The following ACTN4 variants were observed in gnomAD, a reference collection of about 807,000 sequenced individuals.
ACTN4 encodes the protein alpha-actinin-4.
A neutral mutation model predicts 114.2 loss-of-function variants in ACTN4; 18 were observed. The observed-to-expected ratio is 0.16, with a 90% confidence interval of 0.11 to 0.23. ACTN4 has a LOEUF of 0.23. ACTN4 is among the 10% of genes least tolerant of loss of function. The pLI is 1.00. For synonymous variants in ACTN4, 515 were observed against 506.3 expected, an observed-to-expected ratio of 1.02 and a Z score of -0.23; for missense variants, 722 against 1,262.9, an observed-to-expected ratio of 0.57 and a Z score of 6.49.
chr19:38,650,478 C>T (rs1253390234), intron 1 of ACTN4, among the ~76,000 whole-genome samples: 1 of 152,326 alleles, frequency 6.6e-6, no homozygotes, highest in East Asian at 1.9e-4. Flanking sequence ...GGGTGGCTCA[C>T]AGAGTCCGCT....
chr19:38,699,338 C>G (rs1013996772), intron 1 of ACTN4, among the ~76,000 whole-genome samples: 3 of 152,198 alleles, frequency 2.0e-5, no homozygotes, highest in Non-Finnish European at 4.4e-5. Context: ...TGTTTAGTAC[C>G]CTCCATCCCT....
chr19:38,718,082 C>G lies in ACTN4; in HGVS notation c.1291+8C>G. ...ACGAGGCCTGGACTGACGGTACGGC[C>G]CAGCTCTGCCCCACTCTGCCCAGCC... On this transcript the variant is annotated splice_region_variant and intron_variant, in intron 11 of 20. Coordinates refer to ENST00000252699, the MANE Select transcript of ACTN4 (RefSeq NM_004924.6). 6.2e-7 allele frequency: 1 copy of G among 1,602,644 alleles called. No individual in the cohort carries two copies. The highest frequency in any genetic ancestry group is 1.7e-5 in the Admixed American group (1 of 58,596).
chr19:38,668,029 G>A (rs745326970), intron 1 of ACTN4, among the ~76,000 whole-genome samples: 16 of 152,318 alleles, frequency 1.1e-4, no homozygotes, highest in Middle Eastern at 6.8e-3. Flanking sequence ...CTCTGGAGGT[G>A]CCTGTTCCTT....
Position 38,725,598 on chromosome 19 carries a change from G to T in ACTN4, c.2011-126G>T, listed in dbSNP as rs1969205010. On this transcript the variant is annotated intron_variant, in intron 16 of 20. Coordinates refer to ENST00000252699, the MANE Select transcript of ACTN4 (RefSeq NM_004924.6). ...GGGCCTTCCCTCCCAGGGACCCATGGGCCAAGGCCCCAGGCCAAAGGGGCC... is the reference window on the plus strand; with the variant it reads ...GGGCCTTCCCTCCCAGGGACCCATGTGCCAAGGCCCCAGGCCAAAGGGGCC... The T allele has an allele frequency of 2.8e-6, 3 of 1,057,556 alleles. No homozygotes were observed. The African/African-American group carries it at 4.7e-5, about 17-fold the overall frequency. The allele number at this position is 1,057,556 out of a possible 1,614,324, so 65.5% of individuals were successfully genotyped here. A position where few individuals can be genotyped will look rare whatever the true frequency, so the allele number is the denominator to read the frequency against.
At chr19:38,673,737 T>A (rs1256845925) in intron 1 of ACTN4, among the ~76,000 whole-genome samples, 1 of 101,122 alleles carries the variant, frequency 9.9e-6, no homozygotes, top group Admixed American at 1.2e-4. Flanking sequence ...TTATATATAT[T>A]TATATATTTA....
intron 19 of ACTN4, chr19:38,728,442 T>TCCCCC: frequency 1.1e-6 from 1 of 874,708 alleles, no homozygotes; most frequent in Non-Finnish European, 1.5e-6. Flanking sequence ...CTCCTCCTCC[T>TCCCCC]CCTCCTCCCC....
chr19:38,700,573 GCA>G, intron 1 of ACTN4, 25 bp from the exon 2 acceptor site: 1 of 1,586,732 alleles, frequency 6.3e-7, no homozygotes, highest in African/African-American at 1.3e-5. Flanking sequence ...CTGACTCTGC[GCA>G]CTGTCCTTTG....
intron 13 of ACTN4, 102 bp downstream of exon 13, chr19:38,723,824 C>A (rs976287135): frequency 2.3e-5 from 34 of 1,464,674 alleles, no homozygotes; most frequent in Non-Finnish European, 3.2e-5. Flanking sequence ...CCACCTCCCA[C>A]GGAGAGGATG....
intron 5 of ACTN4, among the ~76,000 whole-genome samples, chr19:38,706,693 AC>A (rs1968470538): frequency 6.6e-6 from 1 of 152,214 alleles, no homozygotes; most frequent in South Asian, 2.1e-4. Flanking sequence ...TGCTGGGACT[AC>A]AGATGTGAGC....
chr19:38,688,240 T>C (rs929049723), intron 1 of ACTN4, among the ~76,000 whole-genome samples: 1 of 151,736 alleles, frequency 6.6e-6, no homozygotes, highest in Admixed American at 6.6e-5. Flanking sequence ...AGACCCTGCC[T>C]CTACAGAGAA....
chr19:38,671,823 T>G (rs1346814502), intron 1 of ACTN4, among the ~76,000 whole-genome samples: 1 of 152,258 alleles, frequency 6.6e-6, no homozygotes, highest in Admixed American at 6.5e-5. Flanking sequence ...GGCATCGCCC[T>G]CTGCTTTTAA....
rs185901373 is a variant in ACTN4, at chr19:38,657,384, C to T, written c.162+9477C>T. On this transcript the variant is annotated intron_variant, in intron 1 of 20. Coordinates refer to ENST00000252699, the MANE Select transcript of ACTN4 (RefSeq NM_004924.6). ...TCTTGAGCTCCTGACCTTAAGCGAT[C>T]CACCCACCTTGGCCCAACAAAGTGC... Among the ~76,000 whole-genome samples the T allele has an allele frequency of 1.4e-4, 21 of 152,280 alleles. No homozygotes were observed. The East Asian group carries it at 3.1e-3, about 22-fold the overall frequency.
At chr19:38,659,065 C>CTTTTCTTTTTTTTTT (rs1555822759) in intron 1 of ACTN4, among the ~76,000 whole-genome samples, 6 of 111,692 alleles carry the variant, frequency 5.4e-5, no homozygotes, top group East Asian at 2.5e-4. Context: ...CTTTTCTTTT[C>CTTTTCTTTTTTTTTT]TTTTTTTTTT....
At chr19:38,706,779 T>C (rs919132371) in intron 5 of ACTN4, among the ~76,000 whole-genome samples, 4 of 152,166 alleles carry the variant, frequency 2.6e-5, no homozygotes, top group South Asian at 2.1e-4. Context: ...CTAGTAAATT[T>C]AGTGTTGGGG....
chr19:38,708,042 TG>T, intron 5 of ACTN4, 74 bp from the exon 6 acceptor site: 1 of 1,431,876 alleles, frequency 7.0e-7, no homozygotes, highest in Non-Finnish European at 9.9e-7. Flanking sequence ...GTCACTGCTG[TG>T]GGTGCACAGG....
At chr19:38,699,825 G>A (rs935340463) in intron 1 of ACTN4, among the ~76,000 whole-genome samples, 3 of 152,076 alleles carry the variant, frequency 2.0e-5, no homozygotes, top group Admixed American at 2.0e-4. Context: ...ACAGAGGGAC[G>A]GGGGCATCTT....
At chr19:38,674,846 C>A (rs532563779) in intron 1 of ACTN4, among the ~76,000 whole-genome samples, 20 of 152,348 alleles carry the variant, frequency 1.3e-4, no homozygotes, top group African/African-American at 4.6e-4. Flanking sequence ...GTGTGCCTAC[C>A]ATTCAGGTCT....
At chr19:38,701,142 C>G (rs755216129) in intron 3 of ACTN4, 21 bp downstream of exon 3, 6 of 1,613,494 alleles carry the variant, frequency 3.7e-6, no homozygotes, top group Non-Finnish European at 5.1e-6. Flanking sequence ...GGTGGGGCAG[C>G]GAGGGTCCTG....
chr19:38,673,476 T>C lies in ACTN4; in HGVS notation c.162+25569T>C, dbSNP rs8182569. ...ATATTCATATATATTTATATATATT[T>C]ATATATATATTCATATATATTTATA... is the stretch of plus-strand genomic sequence containing the variant. On this transcript the variant is annotated intron_variant, in intron 1 of 20. Coordinates refer to ENST00000252699, the MANE Select transcript of ACTN4 (RefSeq NM_004924.6). Among the ~76,000 whole-genome samples, 25 of 50,798 alleles carry C rather than the reference T, an allele frequency of 4.9e-4. 1 individual carries two copies. The highest frequency in any genetic ancestry group is 1.2e-3 in the African/African-American group (24 of 19,524). The allele number at this position is 50,798 out of a possible 152,430, so 33.3% of individuals were successfully genotyped here.
Sources: gnomAD v4.1 joint callset for allele counts (sites outside exome capture counted in the v4.1 genomes callset) on GRCh38, gnomAD v4.1.1 for gene constraint, MANE v1.5 for transcripts, NCBI Gene and HGNC (gene_info 2026-07-23, HGNC 2026-07-21) for gene names.